OCA2: variants seen among roughly 807,000 people sequenced by gnomAD.
The protein encoded by OCA2 is OCA2 melanosomal transmembrane protein, also known as P protein.
OCA2 carries 77 observed loss-of-function variants against 100.2 expected under a neutral mutation model. That is an observed-to-expected ratio of 0.77 (90% CI 0.64 to 0.93). The LOEUF (loss-of-function observed/expected upper bound fraction) is 0.93. Among genes scored for constraint, OCA2 ranks in the 40% least tolerant of loss-of-function variants. The probability of loss-of-function intolerance (pLI) is 0.00; values close to 1 mark genes in which losing one functional copy is unlikely to be tolerated. For missense variants in OCA2, 1,062 were observed against 1,089.1 expected (o/e 0.98, Z 0.35); for synonymous variants, 432 against 439.2 (o/e 0.98, Z 0.21).
intron 19 of OCA2, among the ~76,000 whole-genome samples, chr15:27,913,212 T>C (rs958253709): frequency 6.6e-6 from 1 of 152,194 alleles, no homozygotes; most frequent in Non-Finnish European, 1.5e-5. Flanking sequence ...CTAATGTTAA[T>C]TTTCTGGTTT....
At chr15:27,797,125 C>T (rs1010243656) in intron 23 of OCA2, among the ~76,000 whole-genome samples, 3 of 152,188 alleles carry the variant, frequency 2.0e-5, no homozygotes, top group Non-Finnish European at 1.5e-5. Flanking sequence ...GTGGCACCCC[C>T]GCCTCCTTTG....
At chr15:27,854,891 T>A (rs751626580) in intron 21 of OCA2, among the ~76,000 whole-genome samples, 8 of 152,074 alleles carry the variant, frequency 5.3e-5, no homozygotes, top group Non-Finnish European at 7.4e-5. Context: ...CCTGGGTCCT[T>A]GTGGGGGCAT....
intron 9 of OCA2, among the ~76,000 whole-genome samples, chr15:28,011,622 C>T (rs185921712): frequency 3.9e-4 from 59 of 151,806 alleles, no homozygotes; most frequent in Non-Finnish European, 4.9e-4. Context: ...CAATCTATAA[C>T]AGAAAAAAAC....
At chr15:28,013,343 C>T (rs867187114) in intron 9 of OCA2, among the ~76,000 whole-genome samples, 29 of 152,268 alleles carry the variant, frequency 1.9e-4, no homozygotes, top group African/African-American at 6.7e-4. Flanking sequence ...TTTCACCTAA[C>T]GTCACCTTTA....
intron 23 of OCA2, among the ~76,000 whole-genome samples, chr15:27,761,542 A>G (rs2030843589): frequency 6.6e-6 from 1 of 152,064 alleles, no homozygotes; most frequent in Non-Finnish European, 1.5e-5. Flanking sequence ...CATAGACAAA[A>G]TGTTAATTTG....
At chr15:28,018,282 T>C in intron 7 of OCA2, 115 bp downstream of exon 7, 1 of 948,738 alleles carries the variant, frequency 1.1e-6, no homozygotes, top group Non-Finnish European at 1.7e-6. Context: ...ATGAATTGAC[T>C]AAGAATGGTG....
chr15:27,831,886 G>A (rs1441992672), intron 23 of OCA2, among the ~76,000 whole-genome samples: 1 of 152,110 alleles, frequency 6.6e-6, no homozygotes, highest in East Asian at 1.9e-4. Context: ...GCCCCAGCAG[G>A]GTGTCTGCAT....
the OCA2 span, among the ~76,000 whole-genome samples, chr15:27,744,054 C>T: frequency 5.3e-5 from 8 of 152,306 alleles, no homozygotes; most frequent in African/African-American, 1.7e-4. Flanking sequence ...AAGGTCAGTT[C>T]GGGCAGTGCC....
At chr15:27,897,820 G>C (rs2703975) in intron 19 of OCA2, among the ~76,000 whole-genome samples, 8,530 of 152,208 alleles carry the variant, frequency 0.056, 815 homozygotes, top group African/African-American at 0.19. Flanking sequence ...CAACCAGCCC[G>C]TGAAGGCAGC....
Position 27,926,657 on chromosome 15 carries a change from C to T in OCA2, c.1952-403G>A, listed in dbSNP as rs564448090. ...GGGGCCTTTTTGAGACACAGTTTTG[C>T]TCTGTCACCCAGGCTGGGCTGCAGT... On this transcript the variant is annotated intron_variant, in intron 18 of 23. Transcript: ENST00000354638. Among the ~76,000 whole-genome samples the T allele has an allele frequency of 6.6e-5, 10 of 152,226 alleles. No individual in the cohort carries two copies. In the South Asian group the frequency reaches 2.1e-3, roughly 32 times the overall value.
chr15:27,902,857 G>A (rs1337959815), intron 19 of OCA2, among the ~76,000 whole-genome samples: 1 of 152,240 alleles, frequency 6.6e-6, no homozygotes, highest in Non-Finnish European at 1.5e-5. Context: ...GAGTGTTCCA[G>A]GCACAGTGCG....
At position 28,081,698 on chromosome 15, in the gene OCA2, G is replaced by GCTCT; in HGVS notation, c.173_176dup (p.Ser59ArgfsTer33). 1 of 1,613,862 alleles carries GCTCT rather than the reference G, an allele frequency of 6.2e-7. No individual in the cohort carries two copies. The highest frequency in any genetic ancestry group is 1.6e-4 in the Middle Eastern group (1 of 6,062). The stretch of plus-strand genomic sequence containing the variant: ...ACTCCTGGCCTGCAGGAGCCCAAGA[G>GCTCT]CTCTGCCCGGCAGCCCCCCTGGGGC... On this transcript the variant is annotated frameshift_variant, in exon 2 of 24. Transcript: ENST00000354638. LOFTEE classifies it high-confidence loss of function.
intron 19 of OCA2, among the ~76,000 whole-genome samples, chr15:27,875,010 C>T (rs1351879134): frequency 6.6e-6 from 1 of 152,040 alleles, no homozygotes; most frequent in African/African-American, 2.4e-5. Context: ...AAATCAAAAG[C>T]TAAGTATCCA....
chr15:27,745,771 C>T, the OCA2 span, among the ~76,000 whole-genome samples: 2 of 152,202 alleles, frequency 1.3e-5, no homozygotes, highest in African/African-American at 4.8e-5. Context: ...CATCTAAGGG[C>T]AGCTGCTGAA....
At chr15:27,944,566 C>T (rs766485366) in intron 18 of OCA2, among the ~76,000 whole-genome samples, 19 of 152,142 alleles carry the variant, frequency 1.2e-4, no homozygotes, top group African/African-American at 4.1e-4. Context: ...TTTTGAGATA[C>T]GTTTTCAGGG....
chr15:27,785,551 G>A (rs540703268), intron 23 of OCA2, among the ~76,000 whole-genome samples: 1 of 152,246 alleles, frequency 6.6e-6, no homozygotes, highest in South Asian at 2.1e-4. Context: ...ATACCCTTCA[G>A]ATTAGCTATT....
chr15:27,918,541 C>T (rs1293203259), intron 19 of OCA2, among the ~76,000 whole-genome samples: 1 of 152,140 alleles, frequency 6.6e-6, no homozygotes, highest in Non-Finnish European at 1.5e-5. Flanking sequence ...AATTAACGTC[C>T]ACATCAACAA....
In OCA2 at chr15:27,799,380, T is replaced by C. The variant is rs375407339; in HGVS notation, c.2433-43908A>G. Among the ~76,000 whole-genome samples, 156 of 152,148 alleles carry C rather than the reference T, an allele frequency of 1.0e-3. 1 individual carries two copies. The highest frequency in any genetic ancestry group is 3.5e-3 in the South Asian group (17 of 4,826). ...ACACTATATGAGGTAGAAAGCAGTA[T>C]AGAGAAAAATAGGGAGGAAAGGAGT... On this transcript the variant is annotated intron_variant, in intron 23 of 23. Transcript: ENST00000354638.
intron 23 of OCA2, among the ~76,000 whole-genome samples, chr15:27,786,760 C>T (rs1291020173): frequency 6.6e-6 from 1 of 152,082 alleles, no homozygotes; most frequent in East Asian, 1.9e-4. Context: ...CGTTTTACTT[C>T]TTCCTTTCCA....
Sources: allele counts gnomAD v4.1 joint callset (sites outside exome capture counted in the v4.1 genomes callset), GRCh38; gene constraint gnomAD v4.1.1; transcripts MANE v1.5; gene names NCBI Gene and HGNC (gene_info 2026-07-23, HGNC 2026-07-21).